Variants in RAP1A observed in about 807,000 individuals in gnomAD.
RAP1A encodes the protein ras-related protein Rap-1A.
Under a neutral mutation model 26.4 loss-of-function variants are expected in RAP1A, and 6 were observed. The ratio of observed to expected loss-of-function variants is 0.23; its 90% CI spans 0.12 to 0.45. RAP1A has a LOEUF of 0.45. Ranked by LOEUF, RAP1A falls within the 20% of genes least tolerant of loss-of-function variation. The pLI is 0.99. For missense variants in RAP1A, 121 were observed against 217.2 expected (o/e 0.56, Z 2.78); for synonymous variants, 73 against 79.4 (o/e 0.92, Z 0.43).
At chr1:111,566,109 G>A (rs1657912797) in intron 1 of RAP1A, among the ~76,000 whole-genome samples, 1 of 152,062 alleles carries the variant, frequency 6.6e-6, no homozygotes, top group Admixed American at 6.6e-5. Context: ...GTTATTTAAG[G>A]GAATTTGAAC....
Position 111,619,829 on chromosome 1 carries a change from C to T in RAP1A, c.-133C>T. The T allele has an allele frequency of 2.5e-6, 1 of 399,198 alleles. No homozygotes were observed. The allele number at this position is 399,198 out of a possible 1,614,324, so 24.7% of individuals were successfully genotyped here. The stretch of plus-strand genomic sequence containing the variant: ...GCCCCTGCCGCCGCCGCTCCCGCTG[C>T]TGTCGCCGCGCAGAGCCGGAGCAGG... On this transcript the variant is annotated 5_prime_UTR_variant, in exon 1 of 8. Coordinates refer to ENST00000369709, the MANE Select transcript of RAP1A (RefSeq NM_002884.4).
intron 1 of RAP1A, among the ~76,000 whole-genome samples, chr1:111,646,988 C>G (rs752064033): frequency 2.6e-5 from 4 of 152,138 alleles, no homozygotes; most frequent in Non-Finnish European, 5.9e-5. Flanking sequence ...ATTTGGGTAA[C>G]TGGTCATATT....
chr1:111,583,237 C>G (rs1450489660), intron 1 of RAP1A, among the ~76,000 whole-genome samples: 8 of 149,472 alleles, frequency 5.4e-5, no homozygotes. Context: ...CCCAATTATT[C>G]TCTAGGGCAA....
chr1:111,610,668 T>C (rs1056059521), intron 1 of RAP1A, among the ~76,000 whole-genome samples: 1 of 152,174 alleles, frequency 6.6e-6, no homozygotes, highest in Non-Finnish European at 1.5e-5. Flanking sequence ...TTATTGGTTC[T>C]TATCCAAAAG....
chr1:111,545,542 A>T (rs1398207483), intron 1 of RAP1A, among the ~76,000 whole-genome samples: 1 of 152,042 alleles, frequency 6.6e-6, no homozygotes. Context: ...CAGATATATG[A>T]TTTACAAATA....
intron 1 of RAP1A, among the ~76,000 whole-genome samples, chr1:111,575,830 G>A (rs10857897): frequency 0.58 from 87,975 of 152,088 alleles, 25,624 homozygotes; most frequent in Admixed American, 0.6. Context: ...TTTTGTTATA[G>A]CAGCCTTATC....
chr1:111,612,135 A>T (rs909952489), intron 1 of RAP1A, among the ~76,000 whole-genome samples: 2 of 151,834 alleles, frequency 1.3e-5, no homozygotes, highest in Non-Finnish European at 2.9e-5. Flanking sequence ...CTTCTCCCTG[A>T]TAGTGAAGCT....
At chr1:111,638,435 T>C (rs1161664639) in intron 1 of RAP1A, among the ~76,000 whole-genome samples, 1 of 152,198 alleles carries the variant, frequency 6.6e-6, no homozygotes, top group Admixed American at 6.5e-5. Flanking sequence ...TTTTCTTTCT[T>C]TCTTTCTTTT....
At chr1:111,566,147 C>T (rs777489429) in intron 1 of RAP1A, among the ~76,000 whole-genome samples, 3 of 151,918 alleles carry the variant, frequency 2.0e-5, no homozygotes, top group Non-Finnish European at 2.9e-5. Context: ...AGGGAGCTAC[C>T]GAGGGAAGAC....
rs534385247 is a variant in RAP1A at position 111,707,910 on chromosome 1, C to T, written c.469-1239C>T. 1.1e-4 allele frequency among the ~76,000 whole-genome samples: 16 copies of T among 152,304 alleles called. No homozygotes were observed. In the South Asian group the frequency reaches 3.3e-3, roughly 32 times the overall value. On this transcript the variant is annotated intron_variant, in intron 6 of 7. Coordinates refer to ENST00000369709, the MANE Select transcript of RAP1A (RefSeq NM_002884.4). ...ATTATTTGGGCTGGGCACAGTGGCT[C>T]ACACCTAAAATCTTAGCACTTTGGG...
intron 1 of RAP1A, among the ~76,000 whole-genome samples, chr1:111,549,309 CT>C (rs767231547): frequency 0.01 from 1,270 of 125,502 alleles, 2 homozygotes; most frequent in East Asian, 0.03. Flanking sequence ...CAGTCATGGG[CT>C]TTTTTTTTTT....
chr1:111,706,936 A>T (rs1662212354), intron 6 of RAP1A, among the ~76,000 whole-genome samples: 1 of 152,174 alleles, frequency 6.6e-6, no homozygotes, highest in Admixed American at 6.5e-5. Flanking sequence ...TACTTTTATT[A>T]TTTTTTTATC....
intron 1 of RAP1A, among the ~76,000 whole-genome samples, chr1:111,553,376 G>T (rs1427415652): frequency 6.6e-6 from 1 of 152,184 alleles, no homozygotes; most frequent in East Asian, 1.9e-4. Context: ...ATGGGGAATG[G>T]ATATGAAACT....
At chr1:111,559,802 G>C (rs1003021298) in intron 1 of RAP1A, among the ~76,000 whole-genome samples, 2 of 152,150 alleles carry the variant, frequency 1.3e-5, no homozygotes, top group Non-Finnish European at 2.9e-5. Context: ...TAGCTATGAG[G>C]TGGCTTCAAA....
intron 1 of RAP1A, among the ~76,000 whole-genome samples, chr1:111,684,855 A>T (rs1376878206): frequency 6.6e-6 from 1 of 152,214 alleles, no homozygotes; most frequent in East Asian, 1.9e-4. Flanking sequence ...ACAAAGCTGG[A>T]GGTATCACAC....
At chr1:111,693,952 G>T (rs981368816) in intron 2 of RAP1A, among the ~76,000 whole-genome samples, 8 of 151,124 alleles carry the variant, frequency 5.3e-5, no homozygotes, top group South Asian at 2.1e-4. Flanking sequence ...GCAGTGGCGT[G>T]ATCATGGCTC....
At chr1:111,658,699 G>A (rs78896876) in intron 1 of RAP1A, among the ~76,000 whole-genome samples, 7,469 of 152,196 alleles carry the variant, frequency 0.049, 234 homozygotes, top group South Asian at 0.087. Flanking sequence ...TAAACAATGC[G>A]GATTAAAACA....
intron 1 of RAP1A, among the ~76,000 whole-genome samples, chr1:111,623,098 A>G (rs1372112463): frequency 3.3e-5 from 5 of 151,824 alleles, no homozygotes; most frequent in Non-Finnish European, 5.9e-5. Context: ...GCTCACTGCA[A>G]CCTCTGCCTC....
chr1:111,617,215 G>A (rs1011387754), upstream of RAP1A, among the ~76,000 whole-genome samples: 9 of 152,146 alleles, frequency 5.9e-5, no homozygotes, highest in Non-Finnish European at 1.0e-4. Flanking sequence ...CCTACCTGCC[G>A]CCTCTGCTCT....
Sources: allele counts gnomAD v4.1 joint callset (sites outside exome capture counted in the v4.1 genomes callset), GRCh38; gene constraint gnomAD v4.1.1; transcripts MANE v1.5; gene names NCBI Gene and HGNC (gene_info 2026-07-23, HGNC 2026-07-21).